Variants in KCND2 observed in about 807,000 individuals in gnomAD.
KCND2 encodes A-type voltage-gated potassium channel KCND2.
In KCND2, 16 loss-of-function variants were observed where a neutral mutation model predicts 54.4. That is an observed-to-expected ratio of 0.29 (90% confidence interval 0.20 to 0.45). The LOEUF is 0.45. KCND2 is among the 20% of genes least tolerant of loss of function. KCND2 has a pLI of 1.00. For missense variants in KCND2, 486 were observed against 824.2 expected (o/e 0.59, Z 5.02); for synonymous variants, 317 against 310.7 (o/e 1.02, Z -0.21).
intron 3 of KCND2, among the ~76,000 whole-genome samples, chr7:120,741,979 G>C (rs929062548): frequency 2.6e-5 from 4 of 151,964 alleles, no homozygotes; most frequent in Non-Finnish European, 5.9e-5. Flanking sequence ...CGTTCATTTG[G>C]GTCAGGGGTT....
chr7:120,397,987 GTGTGTGTGTATATATATATATATATA>G (rs1463486215), intron 1 of KCND2, among the ~76,000 whole-genome samples: 21 of 35,304 alleles, frequency 5.9e-4, no homozygotes, highest in African/African-American at 1.4e-3. Context: ...GTGTGTGTGT[GTGTGTGTGTATATATATATATATATA>G]TATATATATA....
intron 1 of KCND2, among the ~76,000 whole-genome samples, chr7:120,595,612 T>TATATAC (rs1491578174): frequency 9.1e-5 from 13 of 142,536 alleles, no homozygotes; most frequent in East Asian, 2.0e-4. Context: ...TATATATATA[T>TATATAC]ACACCAGAAC....
chr7:120,588,968 C>T lies in KCND2; in HGVS notation c.1116-143935C>T, dbSNP rs528190402. Among the ~76,000 whole-genome samples, 3 of 152,250 alleles carry T rather than the reference C, an allele frequency of 2.0e-5. No homozygotes were observed. The East Asian group carries it at 5.8e-4, about 29-fold the overall frequency. ...TTGAATAAACCAAAATTACTCCTTA[C>T]CATGGAAATGTGTGTTTTCATAAAT... is the stretch of plus-strand genomic sequence containing the variant. On this transcript the variant is annotated intron_variant, in intron 1 of 5. Transcript: ENST00000331113.
intron 1 of KCND2, among the ~76,000 whole-genome samples, chr7:120,317,449 T>C (rs1482060590): frequency 6.6e-6 from 1 of 152,212 alleles, no homozygotes; most frequent in Non-Finnish European, 1.5e-5. Flanking sequence ...CTTTAATTAT[T>C]ACATTTAATT....
intron 1 of KCND2, among the ~76,000 whole-genome samples, chr7:120,384,998 CTTTT>C (rs372225817): frequency 9.3e-4 from 77 of 82,526 alleles, no homozygotes; most frequent in Admixed American, 1.8e-3. Context: ...TTGTATATAA[CTTTT>C]TTTTTTTTTT....
chr7:120,581,975 A>C (rs1792521451), intron 1 of KCND2, among the ~76,000 whole-genome samples: 1 of 152,124 alleles, frequency 6.6e-6, no homozygotes, highest in Non-Finnish European at 1.5e-5. Context: ...CAGCCTCCCG[A>C]AGTGCTGGGA....
At chr7:120,394,864 A>C (rs979449630) in intron 1 of KCND2, among the ~76,000 whole-genome samples, 4 of 152,032 alleles carry the variant, frequency 2.6e-5, no homozygotes, top group African/African-American at 9.7e-5. Context: ...CACCTAAATC[A>C]AGTGACTGTT....
chr7:120,673,966 G>A (rs978526920), intron 1 of KCND2, among the ~76,000 whole-genome samples: 25 of 148,136 alleles, frequency 1.7e-4, no homozygotes, highest in African/African-American at 6.3e-4. Flanking sequence ...GTGCAGTGAT[G>A]TGATCTCAGC....
chr7:120,417,630 T>A (rs900596403), intron 1 of KCND2, among the ~76,000 whole-genome samples: 1 of 152,190 alleles, frequency 6.6e-6, no homozygotes, highest in Admixed American at 6.5e-5. Context: ...TTTTTTGGAA[T>A]GATATACGAT....
At chr7:120,688,513 T>C (rs1792231753) in intron 1 of KCND2, among the ~76,000 whole-genome samples, 1 of 152,192 alleles carries the variant, frequency 6.6e-6, no homozygotes, top group Admixed American at 6.5e-5. Context: ...CACTCTGCTC[T>C]ATAGAGAGGA....
chr7:120,745,423 C>T (rs1251452032), intron 4 of KCND2, among the ~76,000 whole-genome samples: 3 of 151,778 alleles, frequency 2.0e-5, no homozygotes, highest in Non-Finnish European at 2.9e-5. Context: ...GTGGGAATTT[C>T]TAATTTCCCT....
intron 1 of KCND2, among the ~76,000 whole-genome samples, chr7:120,576,117 C>T (rs2116434108): frequency 6.6e-6 from 1 of 152,192 alleles, no homozygotes; most frequent in South Asian, 2.1e-4. Context: ...CTCACTACAA[C>T]CATTTTGATA....
At chr7:120,524,410 C>T (rs546842324) in intron 1 of KCND2, among the ~76,000 whole-genome samples, 6 of 151,994 alleles carry the variant, frequency 3.9e-5, no homozygotes, top group Non-Finnish European at 7.4e-5. Context: ...GTTTTTGTTT[C>T]GATTCCATGC....
intron 1 of KCND2, among the ~76,000 whole-genome samples, chr7:120,444,085 A>G (rs1801984503): frequency 6.6e-6 from 1 of 152,070 alleles, no homozygotes; most frequent in Admixed American, 6.6e-5. Flanking sequence ...GTTAACCTTG[A>G]TCCCTAGTTC....
intron 1 of KCND2, among the ~76,000 whole-genome samples, chr7:120,668,974 C>T (rs1007481483): frequency 2.6e-5 from 4 of 152,122 alleles, no homozygotes; most frequent in South Asian, 2.1e-4. Flanking sequence ...AACAGCTCTT[C>T]TAAGGAAGAA....
chr7:120,571,672 A>G (rs1792367913), intron 1 of KCND2, among the ~76,000 whole-genome samples: 2 of 152,320 alleles, frequency 1.3e-5, no homozygotes, highest in South Asian at 2.1e-4. Context: ...TAAAAACCGC[A>G]TAACTCTTTC....
chr7:120,275,922 A>G (rs906181678), intron 1 of KCND2, among the ~76,000 whole-genome samples, 175 bp downstream of exon 1: 1 of 152,192 alleles, frequency 6.6e-6, no homozygotes, highest in African/African-American at 2.4e-5. Context: ...GGTATAATAC[A>G]CACGTTGAAG....
At chr7:120,438,546 G>A (rs1801901997) in intron 1 of KCND2, among the ~76,000 whole-genome samples, 1 of 152,120 alleles carries the variant, frequency 6.6e-6, no homozygotes, top group African/African-American at 2.4e-5. Context: ...TGGATATATG[G>A]GTGTAAATAT....
chr7:120,653,031 G>GACACCAC (rs1791757425), intron 1 of KCND2, among the ~76,000 whole-genome samples: 2 of 151,178 alleles, frequency 1.3e-5, no homozygotes, highest in Non-Finnish European at 3.0e-5. Context: ...AAACAGTGGT[G>GACACCAC]TGTGTGTGTG....
Sources: allele counts gnomAD v4.1 joint callset (sites outside exome capture counted in the v4.1 genomes callset), GRCh38; gene constraint gnomAD v4.1.1; transcripts MANE v1.5; gene names NCBI Gene and HGNC (gene_info 2026-07-23, HGNC 2026-07-21).